Variants in ERP44 observed in about 807,000 individuals in gnomAD.
ERP44 encodes the protein endoplasmic reticulum resident protein 44.
In ERP44, 25 loss-of-function variants were observed where a neutral mutation model predicts 53.4. The ratio of observed to expected loss-of-function variants is 0.47; its 90% CI spans 0.34 to 0.65. The LOEUF (loss-of-function observed/expected upper bound fraction) is 0.65, where lower values mean the gene tolerates loss of function less well. Ranked by LOEUF, ERP44 falls within the 30% of genes least tolerant of loss-of-function variation. The pLI, the probability that ERP44 is intolerant of heterozygous loss-of-function variation, is 0.01. For missense variants in ERP44, 338 were observed against 493.2 expected (o/e 0.69, Z 2.98); for synonymous variants, 145 against 161.2 (o/e 0.90, Z 0.76).
In ERP44 at chr9:100,094,572, C is replaced by G. The variant is rs898022720; in HGVS notation, c.57+4212G>C. On this transcript the variant is annotated intron_variant, in intron 1 of 11. Coordinates refer to ENST00000262455, the MANE Select transcript of ERP44 (RefSeq NM_015051.3). ...AATGGGGAGGCTGAGGCAGGAGAAT[C>G]ACTTGAACCCAGGAGACAGAGGTTG... is the stretch of plus-strand genomic sequence containing the variant. 2.6e-4 allele frequency among the ~76,000 whole-genome samples: 39 copies of G among 152,046 alleles called. 1 individual carries two copies. The highest frequency in any genetic ancestry group is 9.4e-4 in the African/African-American group (39 of 41,482).
At chr9:100,010,040 C>T (rs1174691227) in intron 8 of ERP44, among the ~76,000 whole-genome samples, 4 of 152,088 alleles carry the variant, frequency 2.6e-5, no homozygotes, top group African/African-American at 9.7e-5. Context: ...CGGGGCATGA[C>T]TTTGTGTTAC....
At chr9:100,068,701 TCC>T (rs1826264465) in intron 1 of ERP44, among the ~76,000 whole-genome samples, 1 of 143,978 alleles carries the variant, frequency 6.9e-6, no homozygotes, top group Non-Finnish European at 1.5e-5. Flanking sequence ...AGCCGCCCCG[TCC>T]GGGAGGTGAG....
Position 99,979,660 on chromosome 9 carries a change from C to T in ERP44, c.*2952G>A, listed in dbSNP as rs540350357. 6 of 316,718 alleles carry T rather than the reference C, an allele frequency of 1.9e-5. No homozygotes were observed. Among genetic ancestry groups the T allele is most frequent in the South Asian group, 1.6e-4 (1 of 6,320 alleles). 19.6% of individuals were successfully genotyped at this position (316,718 alleles called of 1,614,324 possible). On this transcript the variant is annotated 3_prime_UTR_variant, in exon 12 of 12. Transcript: ENST00000262455. ...GGTAGCTGGCTAAGAAGCAGAAAGG[C>T]CCCCTTTTGGTTCTGGGGACTCAAC...
intron 10 of ERP44, among the ~76,000 whole-genome samples, chr9:99,985,601 G>A (rs770477620): frequency 7.2e-5 from 11 of 152,162 alleles, no homozygotes; most frequent in Admixed American, 1.3e-4. Flanking sequence ...CAGCCTTAAC[G>A]TAAAGCTTGT....
chr9:99,991,275 T>A (rs1006034877), intron 10 of ERP44, among the ~76,000 whole-genome samples: 1 of 152,194 alleles, frequency 6.6e-6, no homozygotes, highest in South Asian at 2.1e-4. Flanking sequence ...AGTAAAGCAC[T>A]CCTCAGCAAA....
At chr9:99,995,596 CAT>C (rs1171747126) in intron 10 of ERP44, among the ~76,000 whole-genome samples, 3 of 152,176 alleles carry the variant, frequency 2.0e-5, no homozygotes, top group Admixed American at 6.5e-5. Flanking sequence ...TAATATTCTG[CAT>C]ATGAGTGAGA....
At chr9:100,078,477 G>A (rs930066337) in intron 1 of ERP44, among the ~76,000 whole-genome samples, 10 of 122,844 alleles carry the variant, frequency 8.1e-5, no homozygotes, top group Non-Finnish European at 1.5e-4. Context: ...AAAAAAGTCC[G>A]GGTGCAGCGG....
intron 8 of ERP44, among the ~76,000 whole-genome samples, chr9:100,011,246 C>T (rs1313929959): frequency 6.6e-6 from 1 of 152,124 alleles, no homozygotes; most frequent in Non-Finnish European, 1.5e-5. Flanking sequence ...AACTATGACA[C>T]ACCACTGACA....
At chr9:100,082,512 G>C (rs570418021) in intron 1 of ERP44, among the ~76,000 whole-genome samples, 2 of 152,008 alleles carry the variant, frequency 1.3e-5, no homozygotes, top group East Asian at 3.9e-4. Flanking sequence ...AACTGGTTTG[G>C]AACAACAGGC....
At chr9:100,031,424 T>C (rs1182021206) in intron 4 of ERP44, among the ~76,000 whole-genome samples, 1 of 152,216 alleles carries the variant, frequency 6.6e-6, no homozygotes, top group Admixed American at 6.5e-5. Context: ...TGTCCAATGC[T>C]GTAGCTTAGT....
rs182644116 is a variant in ERP44, at chr9:100,001,062, A to G, written c.1016+5444T>C. ...TGTTGTATTTCCATTTCCATTTTTTAAAAGATAATTTAAAATTTCCCTTTT... is the reference window on the plus strand; with the variant it reads ...TGTTGTATTTCCATTTCCATTTTTTGAAAGATAATTTAAAATTTCCCTTTT... On this transcript the variant is annotated intron_variant, in intron 10 of 11. Coordinates refer to ENST00000262455, the MANE Select transcript of ERP44 (RefSeq NM_015051.3). Among the ~76,000 whole-genome samples the G allele has an allele frequency of 2.6e-5, 4 of 152,248 alleles. No homozygotes were observed. In the East Asian group the frequency reaches 7.7e-4, roughly 29 times the overall value.
rs558263354 is a variant in ERP44 at position 99,985,041 on chromosome 9, A to G, written c.1045T>C (p.Phe349Leu). ...LIPGKLKQFV[F>L]DLHSGKLHRE... The stretch of plus-strand genomic sequence containing the variant: ...TGCAGTTTTCCAGAATGTAAGTCAA[A>G]TACGAATTGCTTGAGTTTTCCAGGA... The change falls in exon 11 of 12, where the codon TTT becomes CTT. Residue 349 changes from phenylalanine (F) to leucine (L), a missense_variant. Physicochemically the swap from Phe to Leu is conservative, Grantham distance 22. This residue lies in a region of ERP44 where 113 missense variants were observed against 172.6 expected (regional missense o/e 0.65). Coordinates refer to ENST00000262455, the MANE Select transcript of ERP44 (RefSeq NM_015051.3). 1.9e-6 allele frequency: 3 copies of G among 1,613,164 alleles called. No individual in the cohort carries two copies. Among genetic ancestry groups the G allele is most frequent in the East Asian group, 4.5e-5 (2 of 44,852 alleles).
chr9:100,084,426 T>A (rs1463830506), intron 1 of ERP44, among the ~76,000 whole-genome samples: 1 of 152,212 alleles, frequency 6.6e-6, no homozygotes, highest in African/African-American at 2.4e-5. Flanking sequence ...TGTGTATACT[T>A]TTAAATGATT....
At chr9:99,992,771 T>C (rs543559183) in intron 10 of ERP44, among the ~76,000 whole-genome samples, 109 of 152,310 alleles carry the variant, frequency 7.2e-4, no homozygotes, top group African/African-American at 2.5e-3. Flanking sequence ...GAAAACCCCA[T>C]TGTCTCAGTC....
intron 4 of ERP44, among the ~76,000 whole-genome samples, chr9:100,033,140 G>A (rs1825810305): frequency 1.3e-5 from 2 of 152,180 alleles, no homozygotes; most frequent in African/African-American, 4.8e-5. Context: ...CTTAACTTAT[G>A]GCAATACAAT....
At chr9:100,082,720 C>T (rs989157711) in intron 1 of ERP44, among the ~76,000 whole-genome samples, 20 of 148,002 alleles carry the variant, frequency 1.4e-4, no homozygotes, top group Non-Finnish European at 2.1e-4. Context: ...TGGCTGTGGA[C>T]GTGAAACTTG....
chr9:100,022,203 T>C lies in ERP44; in HGVS notation c.310A>G (p.Ile104Val), dbSNP rs1830598956. The C allele has an allele frequency of 6.2e-7, 1 of 1,613,210 alleles. No individual in the cohort carries two copies. Among genetic ancestry groups the C allele is most frequent in the Non-Finnish European group, 8.5e-7 (1 of 1,179,568 alleles). The change falls in exon 5 of 12, where the codon ATA becomes GTA. Residue 104 changes from isoleucine (I) to valine (V), a missense_variant. Physicochemically the swap from Ile to Val is conservative, Grantham distance 29. Transcript: ENST00000262455. ...AATTTGAGGGTTGGGTATTTGCTTATCCTGTATCTCTGGGCTATGTCAGCT... is the reference window on the plus strand; with the variant it reads ...AATTTGAGGGTTGGGTATTTGCTTACCCTGTATCTCTGGGCTATGTCAGCT... The part of the protein sequence containing the change: ...QHSDIAQRYR[I>V]SKYPTLKLFR...
rs1384977669 is a variant in ERP44, at chr9:99,981,519, C to T, written c.*1093G>A. The T allele has an allele frequency of 6.6e-6, 1 of 152,584 alleles. No individual in the cohort carries two copies. 9.5% of individuals were successfully genotyped at this position (152,584 alleles called of 1,614,324 possible). A position where few individuals can be genotyped will look rare whatever the true frequency, so the allele number is the denominator to read the frequency against. ...AAAAGCCAGTTTTGAACCTGTCTGT[C>T]CTCTGGCACTGGGCTTCCTGATATG... On this transcript the variant is annotated 3_prime_UTR_variant, in exon 12 of 12. Transcript: ENST00000262455.
intron 4 of ERP44, among the ~76,000 whole-genome samples, chr9:100,029,537 T>C (rs1825751151): frequency 6.6e-6 from 1 of 152,162 alleles, no homozygotes; most frequent in African/African-American, 2.4e-5. Flanking sequence ...TGCAGAGGAT[T>C]TGGAGAAAGG....
Sources: gnomAD v4.1 joint callset for allele counts (sites outside exome capture counted in the v4.1 genomes callset) on GRCh38, gnomAD v4.1.1 for gene constraint, gnomAD v4.1.1 regional missense constraint, MANE v1.5 for transcripts, NCBI Gene and HGNC (gene_info 2026-07-23, HGNC 2026-07-21) for gene names.